CHD7: variants seen among roughly 807,000 people sequenced by gnomAD.
The protein encoded by CHD7 is chromodomain helicase DNA binding protein 7, also known as ATP-dependent chromatin remodeler CHD7.
CHD7 carries 24 observed loss-of-function variants against 307.3 expected under a neutral mutation model. The ratio of observed to expected loss-of-function variants is 0.08; its 90% CI spans 0.06 to 0.11. CHD7 has a LOEUF of 0.11. Ranked by LOEUF, CHD7 falls within the 10% of genes least tolerant of loss-of-function variation. The pLI, the probability that CHD7 is intolerant of heterozygous loss-of-function variation, is 1.00. For synonymous variants in CHD7, 1,363 were observed against 1,349.9 expected, an observed-to-expected ratio of 1.01 and a Z score of -0.21; for missense variants, 3,106 against 3,727.1, an observed-to-expected ratio of 0.83 and a Z score of 4.34.
chr8:60,866,064 CAA>C lies in CHD7; in HGVS notation c.*132_*133del. 1.3e-6 allele frequency: 1 copy of C among 786,708 alleles called. No individual in the cohort carries two copies. Among genetic ancestry groups the C allele is most frequent in the Non-Finnish European group, 2.0e-6 (1 of 493,402 alleles). The allele number at this position is 786,708 out of a possible 1,614,324, so 48.7% of individuals were successfully genotyped here. ...ACATAGTGTAGCAAAAAAAAAAGTTCAAGTCATGTTATACAGGTGTGTCAAAA... is the reference window on the plus strand; with the variant it reads ...ACATAGTGTAGCAAAAAAAAAAGTTCGTCATGTTATACAGGTGTGTCAAAA... On this transcript the variant is annotated 3_prime_UTR_variant, in exon 38 of 38. Coordinates refer to ENST00000423902, the MANE Select transcript of CHD7 (RefSeq NM_017780.4).
At chr8:60,704,938 A>G (rs547901185) in intron 1 of CHD7, among the ~76,000 whole-genome samples, 21 of 152,200 alleles carry the variant, frequency 1.4e-4, no homozygotes, top group African/African-American at 5.1e-4. Context: ...GGGACTGTTC[A>G]ATCACATGCC....
chr8:60,862,176 A>G lies in CHD7; in HGVS notation c.7831-20A>G, dbSNP rs1563670437. ...AAGTACTAAATACCAATTTTACTAA[A>G]TATGTTTTTTCTTTTGCAGAAGAAT... On this transcript the variant is annotated intron_variant, in intron 35 of 37. Coordinates refer to ENST00000423902, the MANE Select transcript of CHD7 (RefSeq NM_017780.4). 1.3e-6 allele frequency: 2 copies of G among 1,589,416 alleles called. No individual in the cohort carries two copies. Among genetic ancestry groups the G allele is most frequent in the Admixed American group, 1.8e-5 (1 of 57,036 alleles).
At chr8:60,777,759 A>G (rs1231738122) in intron 2 of CHD7, among the ~76,000 whole-genome samples, 5 of 152,168 alleles carry the variant, frequency 3.3e-5, no homozygotes, top group Admixed American at 2.0e-4. Context: ...CTCACCTTAG[A>G]TCATTTTTAT....
chr8:60,788,093 A>G (rs1811588499), intron 3 of CHD7, among the ~76,000 whole-genome samples: 1 of 150,694 alleles, frequency 6.6e-6, no homozygotes, highest in African/African-American at 2.4e-5. Flanking sequence ...AAGTGCTGGG[A>G]TTACAGGTGT....
intron 18 of CHD7, 72 bp from the exon 19 acceptor site, chr8:60,838,004 C>G (rs1337774361): frequency 7.7e-7 from 1 of 1,299,320 alleles, no homozygotes; most frequent in East Asian, 2.6e-5. Flanking sequence ...GAGAAAAATG[C>G]AGCATTTGTT....
At chr8:60,838,405 C>A in intron 19 of CHD7, 150 bp downstream of exon 19, 1 of 724,572 alleles carries the variant, frequency 1.4e-6, no homozygotes, top group Non-Finnish European at 2.3e-6. Context: ...ATGAAGCTTT[C>A]TTTATGCTTT....
chr8:60,763,112 G>C (rs181843377), intron 2 of CHD7, among the ~76,000 whole-genome samples: 1 of 152,252 alleles, frequency 6.6e-6, no homozygotes, highest in African/African-American at 2.4e-5. Flanking sequence ...CATATGTGCC[G>C]TGTAAAATTA....
chr8:60,837,571 C>A, intron 17 of CHD7, 97 bp from the exon 18 acceptor site: 1 of 1,109,194 alleles, frequency 9.0e-7, no homozygotes, highest in Non-Finnish European at 1.3e-6. Flanking sequence ...CCTCCAAATA[C>A]CATCACATTG....
rs780608336 is a variant in CHD7 at position 60,856,750 on chromosome 8, G to C, written c.7470G>C (p.Ser2490=). 6.8e-6 allele frequency: 11 copies of C among 1,613,836 alleles called. No individual in the cohort carries two copies. Among genetic ancestry groups the C allele is most frequent in the Non-Finnish European group, 9.3e-6 (11 of 1,179,902 alleles). The change falls in exon 34 of 38, where the codon TCG becomes TCC. Residue 2490 remains serine (S), a synonymous_variant. Transcript: ENST00000423902. ...TQMELLQAGL[S]RTPTRHLLNG... Reference sequence around the variant, plus strand: ...TGGAACTGCTCCAAGCAGGCCTTTCGCGCACACCCACAAGGCATCTCCTTA... The same window carrying C: ...TGGAACTGCTCCAAGCAGGCCTTTCCCGCACACCCACAAGGCATCTCCTTA...
chr8:60,707,698 A>G (rs1807086203), intron 1 of CHD7, among the ~76,000 whole-genome samples: 3 of 152,212 alleles, frequency 2.0e-5, no homozygotes. Context: ...TTAAATAGAA[A>G]TTTAAACTGT....
chr8:60,751,761 A>G (rs772109553), intron 2 of CHD7, among the ~76,000 whole-genome samples: 1 of 152,216 alleles, frequency 6.6e-6, no homozygotes, highest in Admixed American at 6.5e-5. Context: ...CTAGGACATG[A>G]CTGCAGGAGT....
At chr8:60,702,180 T>TGTGG (rs1806798264) in intron 1 of CHD7, among the ~76,000 whole-genome samples, 1 of 152,184 alleles carries the variant, frequency 6.6e-6, no homozygotes, top group East Asian at 1.9e-4. Context: ...GCAGGTGGTG[T>TGTGG]GTGGGTGGGT....
chr8:60,728,002 G>A (rs996968411), intron 1 of CHD7, among the ~76,000 whole-genome samples: 4 of 152,192 alleles, frequency 2.6e-5, no homozygotes, highest in African/African-American at 9.7e-5. Flanking sequence ...CTTCTTTGTA[G>A]CACCATTGTC....
chr8:60,777,773 T>C (rs547140069), intron 2 of CHD7, among the ~76,000 whole-genome samples: 1 of 152,216 alleles, frequency 6.6e-6, no homozygotes, highest in African/African-American at 2.4e-5. Flanking sequence ...TTTTTATTTA[T>C]AGTTTAAGTA....
At chr8:60,765,348 G>A (rs530415658) in intron 2 of CHD7, among the ~76,000 whole-genome samples, 4 of 151,832 alleles carry the variant, frequency 2.6e-5, no homozygotes, top group East Asian at 1.9e-4. Context: ...ACACACACAC[G>A]TATGTATATA....
At chr8:60,773,500 G>C (rs2150651060) in intron 2 of CHD7, among the ~76,000 whole-genome samples, 1 of 152,294 alleles carries the variant, frequency 6.6e-6, no homozygotes, top group East Asian at 1.9e-4. Context: ...TGTGCCCTAG[G>C]GGTGTGTGTG....
chr8:60,853,956 G>A (rs538974922), intron 31 of CHD7, among the ~76,000 whole-genome samples: 3 of 152,334 alleles, frequency 2.0e-5, no homozygotes, highest in Admixed American at 1.3e-4. Context: ...CAGTACGGTT[G>A]CTGAAACTGG....
chr8:60,763,173 T>C (rs1206289626), intron 2 of CHD7, among the ~76,000 whole-genome samples: 1 of 152,208 alleles, frequency 6.6e-6, no homozygotes, highest in Non-Finnish European at 1.5e-5. Flanking sequence ...TTAACTGTGA[T>C]ATATTTCATT....
intron 23 of CHD7, among the ~76,000 whole-genome samples, chr8:60,847,428 C>T (rs926559778): frequency 2.6e-5 from 4 of 152,234 alleles, no homozygotes; most frequent in East Asian, 1.9e-4. Flanking sequence ...CATTTGAAAA[C>T]GGAAATTATA....
Sources: gnomAD v4.1 joint callset for allele counts (sites outside exome capture counted in the v4.1 genomes callset) on GRCh38, gnomAD v4.1.1 for gene constraint, MANE v1.5 for transcripts, NCBI Gene and HGNC (gene_info 2026-07-23, HGNC 2026-07-21) for gene names.